The following DNASE1 variants were observed in gnomAD, a reference collection of about 807,000 sequenced individuals.
DNASE1 encodes deoxyribonuclease-1.
In DNASE1, 40 loss-of-function variants were observed where a neutral mutation model predicts 33.9. The ratio of observed to expected loss-of-function variants is 1.18; its 90% CI spans 0.92 to 1.54. The LOEUF (loss-of-function observed/expected upper bound fraction) is 1.54. Ranked by LOEUF, DNASE1 falls within the 40% of genes most tolerant of loss-of-function variation. The pLI is 0.00. For missense variants in DNASE1, 518 were observed against 372.6 expected, an observed-to-expected ratio of 1.39 and a Z score of -3.21; for synonymous variants, 216 against 160.0, an observed-to-expected ratio of 1.35 and a Z score of -2.64.
upstream of DNASE1, chr16:3,640,769 G>T: frequency 2.5e-6 from 1 of 398,616 alleles, no homozygotes; most frequent in East Asian, 3.6e-5. Flanking sequence ...GAGTGGTACA[G>T]CGCCAGCCTG....
At chr16:3,627,909 G>C (rs577529085) in intron 1 of DNASE1, among the ~76,000 whole-genome samples, 1 of 111,524 alleles carries the variant, frequency 9.0e-6, no homozygotes, top group South Asian at 3.1e-4. Flanking sequence ...GATTCCATAT[G>C]AATTTCAGCA....
intron 1 of DNASE1, among the ~76,000 whole-genome samples, chr16:3,625,094 G>T (rs972783211): frequency 6.6e-6 from 1 of 152,082 alleles, no homozygotes; most frequent in East Asian, 1.9e-4. Context: ...ATCACCTGAG[G>T]TTGGGAGTTC....
intron 1 of DNASE1, among the ~76,000 whole-genome samples, chr16:3,629,916 C>T (rs1343528389): frequency 2.0e-5 from 3 of 152,270 alleles, no homozygotes; most frequent in Admixed American, 6.5e-5. Context: ...TGGGTTCAAG[C>T]GATTCTCCTG....
intron 1 of DNASE1, among the ~76,000 whole-genome samples, chr16:3,629,323 C>A (rs529260749): frequency 5.7e-4 from 87 of 152,126 alleles, no homozygotes; most frequent in Non-Finnish European, 1.0e-3. Context: ...TTGTCACATG[C>A]CTTTGCTGCA....
chr16:3,627,399 G>A (rs548770718), intron 1 of DNASE1, among the ~76,000 whole-genome samples: 2 of 151,610 alleles, frequency 1.3e-5, no homozygotes, highest in South Asian at 2.1e-4. Flanking sequence ...TAAGCCTCCC[G>A]AGTATGGGAC....
At chr16:3,632,150 G>A (rs1264317260) in intron 1 of DNASE1, among the ~76,000 whole-genome samples, 1 of 152,140 alleles carries the variant, frequency 6.6e-6, no homozygotes. Flanking sequence ...CTATCTTGGT[G>A]AATGTTCCAT....
Position 3,664,289 on chromosome 16 carries a change from C to A in DNASE1, c.*6336C>A, listed in dbSNP as rs1373029980. ...GCTCACCCACCTCTGTGTCTTTCTTCTTCATGGCCTCATAGTAGGGTGAGT... is the reference window on the plus strand; with the variant it reads ...GCTCACCCACCTCTGTGTCTTTCTTATTCATGGCCTCATAGTAGGGTGAGT... On this transcript the variant is annotated 3_prime_UTR_variant, in exon 10 of 10. Coordinates refer to the DNASE1 transcript ENST00000407479. The A allele has an allele frequency of 1.9e-6, 3 of 1,595,080 alleles. No homozygotes were observed. The East Asian group carries it at 6.7e-5, about 36-fold the overall frequency.
chr16:3,663,393 G>A (rs774395305), exon 10 of DNASE1: 1 of 1,612,926 alleles, frequency 6.2e-7, no homozygotes, highest in Non-Finnish European at 8.5e-7. Context: ...GTGGAAACCA[G>A]CCCCACGCCT....
intron 1 of DNASE1, among the ~76,000 whole-genome samples, chr16:3,645,375 A>T (rs2042142499): frequency 1.3e-5 from 2 of 152,248 alleles, no homozygotes. Context: ...AAACATCAGC[A>T]CACTGGAGTC....
At chr16:3,658,619 G>T (rs1226491611), downstream of DNASE1, 1 of 643,294 alleles carries the variant, frequency 1.6e-6, no homozygotes, top group Non-Finnish European at 2.7e-6. Flanking sequence ...GTTGTAGTGA[G>T]CCAAGATCGC....
chr16:3,658,142 A>G (rs779454197), downstream of DNASE1: 1 of 1,614,060 alleles, frequency 6.2e-7, no homozygotes, highest in Non-Finnish European at 8.5e-7. Flanking sequence ...GTGTCGCTCC[A>G]GGGCCTTGAC....
At chr16:3,642,532 C>T (rs888758356), upstream of DNASE1, among the ~76,000 whole-genome samples, 1 of 151,928 alleles carries the variant, frequency 6.6e-6, no homozygotes, top group Admixed American at 6.6e-5. Flanking sequence ...TTTCATCCAG[C>T]ATGTTCTCCG....
rs535333568 is a variant in DNASE1, at chr16:3,620,007, C to T, written c.-1359+8001C>T. On this transcript the variant is annotated intron_variant and NMD_transcript_variant, in intron 1 of 11. Transcript: ENST00000570769. The stretch of plus-strand genomic sequence containing the variant: ...CTCGCCTCACTGCAACCCCCGCCTC[C>T]GGGGTTCAAGTGATTCTCTTGCCTC... Among the ~76,000 whole-genome samples, 43 of 151,746 alleles carry T rather than the reference C, an allele frequency of 2.8e-4. 1 individual carries two copies. In the South Asian group the frequency reaches 7.9e-3, roughly 28 times the overall value.
upstream of DNASE1, chr16:3,653,833 A>AAAAAAAC (rs2042431299): frequency 6.8e-6 from 1 of 147,900 alleles, no homozygotes; most frequent in African/African-American, 2.5e-5. Context: ...AAAAAAAAAA[A>AAAAAAAC]AAAAAAAACT....
intron 1 of DNASE1, among the ~76,000 whole-genome samples, chr16:3,628,802 G>A (rs1251019166): frequency 2.7e-5 from 4 of 146,896 alleles, no homozygotes; most frequent in Non-Finnish European, 4.5e-5. Context: ...CTCGTGATCC[G>A]CCCGCCTCAG....
rs77100876 is a variant in DNASE1 at position 3,664,503 on chromosome 16, G to A, written c.*6550G>A. 6.8e-4 allele frequency: 1,063 copies of A among 1,557,668 alleles called. 9 individuals are homozygous for A. In the East Asian group the frequency reaches 0.011, roughly 16 times the overall value. ...GTCACCACTTATTCCAGGCCCATGG[G>A]CTCAATGTTGCCCAACTAACTGGGC... is the stretch of plus-strand genomic sequence containing the variant. On this transcript the variant is annotated 3_prime_UTR_variant, in exon 10 of 10. Coordinates refer to the DNASE1 transcript ENST00000407479.
chr16:3,622,455 T>G (rs1025019605), intron 1 of DNASE1, among the ~76,000 whole-genome samples: 1 of 152,218 alleles, frequency 6.6e-6, no homozygotes, highest in Non-Finnish European at 1.5e-5. Flanking sequence ...TTGTGGGCTT[T>G]GCATTCTTTT....
chr16:3,664,074 AAAC>A (rs2050763178), exon 10 of DNASE1: 1 of 579,280 alleles, frequency 1.7e-6, no homozygotes, highest in African/African-American at 1.9e-5. Context: ...AAAAAACAAA[AAAC>A]AAACAAAAAA....
upstream of DNASE1, chr16:3,641,108 G>T: frequency 2.5e-6 from 1 of 397,132 alleles, no homozygotes; most frequent in Non-Finnish European, 4.4e-6. Context: ...AGCTGCAGCT[G>T]TGGCAGGGTG....
Sources: gnomAD v4.1 joint callset for allele counts (sites outside exome capture counted in the v4.1 genomes callset) on GRCh38, gnomAD v4.1.1 for gene constraint, MANE v1.5 for transcripts, NCBI Gene and HGNC (gene_info 2026-07-23, HGNC 2026-07-21) for gene names.